The following DNAH14 variants were observed in gnomAD, a reference collection of about 807,000 sequenced individuals.
DNAH14 encodes the protein dynein axonemal heavy chain 14.
In DNAH14, 478 loss-of-function variants were observed where a neutral mutation model predicts 520.9. The ratio of observed to expected loss-of-function variants is 0.92; its 90% CI spans 0.85 to 0.99. The LOEUF (loss-of-function observed/expected upper bound fraction) is 0.99. Among genes scored for constraint, DNAH14 ranks in the 50% least tolerant of loss-of-function variants. The probability of loss-of-function intolerance (pLI) is 0.00; values close to 1 mark genes in which losing one functional copy is unlikely to be tolerated. For missense variants in DNAH14, 4,831 were observed against 5,234.5 expected (o/e 0.92, Z 2.38); for synonymous variants, 1,581 against 1,757.2 (o/e 0.90, Z 2.51).
chr1:225,048,262 A>G (rs921896430), intron 15 of DNAH14, among the ~76,000 whole-genome samples: 12 of 152,194 alleles, frequency 7.9e-5, no homozygotes, highest in Non-Finnish European at 1.6e-4. Context: ...GCACTTTGGG[A>G]GGCCCAGGTG....
chr1:225,091,117 T>C (rs1347098857), intron 21 of DNAH14, among the ~76,000 whole-genome samples: 1 of 150,898 alleles, frequency 6.6e-6, no homozygotes, highest in Admixed American at 6.6e-5. Context: ...CTATGATTCA[T>C]TGGTTTTCCT....
chr1:225,382,293 A>G (rs142700041), intron 81 of DNAH14, among the ~76,000 whole-genome samples: 2 of 152,336 alleles, frequency 1.3e-5, no homozygotes, highest in East Asian at 3.9e-4. Flanking sequence ...TGCACCACTC[A>G]TGGGAATGAA....
chr1:225,374,182 T>TATATAC (rs1263904206), intron 77 of DNAH14, among the ~76,000 whole-genome samples: 1 of 97,120 alleles, frequency 1.0e-5, no homozygotes, highest in South Asian at 3.5e-4. Context: ...TATATATATA[T>TATATAC]ACTATTCTAG....
At chr1:225,023,512 C>T (rs1213714368) in intron 10 of DNAH14, 103 bp from the exon 11 acceptor site, 13 of 891,346 alleles carry the variant, frequency 1.5e-5, no homozygotes, top group Non-Finnish European at 1.8e-5. Flanking sequence ...CAATTCTTAA[C>T]ATTCACATCT....
intron 12 of DNAH14, 42 bp downstream of exon 12, chr1:225,038,865 A>G (rs989885952): frequency 2.8e-6 from 4 of 1,409,696 alleles, no homozygotes; most frequent in Non-Finnish European, 3.7e-6. Flanking sequence ...ATTTTTTGCT[A>G]TAAAATGAAT....
Position 225,100,858 on chromosome 1 carries a change from C to T in DNAH14, c.3841C>T (p.Leu1281Phe). The change falls in exon 23 of 86, where the codon CTT (leucine) becomes TTT (phenylalanine). Residue 1281 changes from leucine (L) to phenylalanine (F), a missense_variant. Leu to Phe is a conservative substitution (Grantham distance 22). Coordinates refer to ENST00000682510, the MANE Select transcript of DNAH14 (RefSeq NM_001367479.1). ...LEILQNCNIH[L>F]EHIKKSLEDY... is the part of the protein sequence containing the mutation. Reference sequence around the variant, plus strand: ...AATTCTGCAAAATTGTAATATACATCTTGAACATATAAAGAAAAGCCTTGA... The same window carrying T: ...AATTCTGCAAAATTGTAATATACATTTTGAACATATAAAGAAAAGCCTTGA... 6.6e-7 allele frequency: 1 copy of T among 1,512,710 alleles called. No individual in the cohort carries two copies. Among genetic ancestry groups the T allele is most frequent in the Non-Finnish European group, 8.8e-7 (1 of 1,136,174 alleles). 93.7% of individuals were successfully genotyped at this position (1,512,710 alleles called of 1,614,324 possible). A position where few individuals can be genotyped will look rare whatever the true frequency, so the allele number is the denominator to read the frequency against.
chr1:225,279,296 C>T (rs920862156), intron 54 of DNAH14, among the ~76,000 whole-genome samples: 2 of 152,110 alleles, frequency 1.3e-5, no homozygotes, highest in Non-Finnish European at 2.9e-5. Context: ...TGTGAGCCAC[C>T]ACACCTGGCC....
intron 8 of DNAH14, among the ~76,000 whole-genome samples, chr1:224,990,040 T>C (rs540909719): frequency 4.6e-5 from 7 of 152,102 alleles, no homozygotes; most frequent in African/African-American, 1.4e-4. Context: ...TTGCCTGATT[T>C]TGATATCAGG....
At chr1:225,094,984 G>C (rs1322450881) in intron 21 of DNAH14, among the ~76,000 whole-genome samples, 1 of 152,016 alleles carries the variant, frequency 6.6e-6, no homozygotes, top group Non-Finnish European at 1.5e-5. Context: ...CCTCACACCA[G>C]TCAGAATGTC....
intron 36 of DNAH14, among the ~76,000 whole-genome samples, chr1:225,168,621 T>C (rs1250574020): frequency 1.3e-5 from 2 of 152,196 alleles, no homozygotes; most frequent in African/African-American, 4.8e-5. Context: ...CTGCTATTGC[T>C]GAGGCTTGAG....
At chr1:224,987,118 A>AAGAGACAGAGAC (rs58030730) in intron 8 of DNAH14, among the ~76,000 whole-genome samples, 270 of 150,196 alleles carry the variant, frequency 1.8e-3, no homozygotes, top group African/African-American at 5.7e-3. Context: ...GAGAGAGAGA[A>AAGAGACAGAGAC]AGAGACAGAG....
chr1:224,974,669 C>T (rs1192552142), intron 8 of DNAH14, among the ~76,000 whole-genome samples: 3 of 152,158 alleles, frequency 2.0e-5, no homozygotes, highest in Non-Finnish European at 4.4e-5. Flanking sequence ...ATATAGAACA[C>T]TGCTATCACC....
At chr1:225,173,605 AAAC>A (rs1285293405) in intron 36 of DNAH14, among the ~76,000 whole-genome samples, 3 of 152,312 alleles carry the variant, frequency 2.0e-5, no homozygotes, top group Non-Finnish European at 2.9e-5. Context: ...AAAAGTCAGG[AAAC>A]AACAGGTGCT....
At chr1:225,344,978 G>A (rs529379718) in intron 69 of DNAH14, among the ~76,000 whole-genome samples, 13 of 152,114 alleles carry the variant, frequency 8.5e-5, no homozygotes, top group Non-Finnish European at 1.8e-4. Context: ...CTCCCAAAGT[G>A]CTGAGATTAC....
In DNAH14 at chr1:225,227,546, C is replaced by T. The variant is rs555437195; in HGVS notation, c.6440-3527C>T. ...TGAAGTTTCTTATGCCTGTCTTTTTCTACATAGACACAGTAACAGTCTGAT... is the reference window on the plus strand; with the variant it reads ...TGAAGTTTCTTATGCCTGTCTTTTTTTACATAGACACAGTAACAGTCTGAT... On this transcript the variant is annotated intron_variant, in intron 41 of 85. Transcript: ENST00000682510. Among the ~76,000 whole-genome samples the T allele has an allele frequency of 5.9e-5, 9 of 152,278 alleles. No homozygotes were observed. The South Asian group carries it at 1.9e-3, about 32-fold the overall frequency.
At chr1:225,085,208 G>A (rs750516060) in intron 20 of DNAH14, among the ~76,000 whole-genome samples, 12 of 152,064 alleles carry the variant, frequency 7.9e-5, no homozygotes, top group Non-Finnish European at 1.3e-4. Flanking sequence ...AAGTAATTAA[G>A]CAGTTGGCAT....
Position 225,277,460 on chromosome 1 carries a change from A to G in DNAH14, c.8229A>G (p.Arg2743=), listed in dbSNP as rs2093513780. The change falls in exon 54 of 86, where the codon AGA becomes AGG. Residue 2743 remains arginine, a synonymous_variant. Transcript: ENST00000682510. ...AGGAAGCCATAGAACACATCATAAG[A>G]GCAACAAGGGTTCTTCGACAACCAG... ...FFKEAIEHII[R]ATRVLRQPGS... 1 of 470,888 alleles carries G rather than the reference A, an allele frequency of 2.1e-6. No homozygotes were observed. The highest frequency in any genetic ancestry group is 2.0e-5 in the African/African-American group (1 of 50,092). 29.2% of individuals were successfully genotyped at this position (470,888 alleles called of 1,614,324 possible).
At chr1:224,929,889 C>T (rs1005846915) in intron 1 of DNAH14, 54 bp downstream of exon 1, 16 of 613,192 alleles carry the variant, frequency 2.6e-5, no homozygotes, top group Non-Finnish European at 4.1e-5. Context: ...GGCGGGCGGG[C>T]GGCGCGTGGG....
chr1:225,008,386 C>T (rs1056540395), intron 10 of DNAH14, among the ~76,000 whole-genome samples: 5 of 152,016 alleles, frequency 3.3e-5, no homozygotes, highest in African/African-American at 7.2e-5. Context: ...AATAAACATA[C>T]GTGTGCATGA....
Sources: gnomAD v4.1 joint callset for allele counts (sites outside exome capture counted in the v4.1 genomes callset) on GRCh38, gnomAD v4.1.1 for gene constraint, MANE v1.5 for transcripts, NCBI Gene and HGNC (gene_info 2026-07-23, HGNC 2026-07-21) for gene names.